Variants in ANKRD44 observed in about 807,000 individuals in gnomAD.
ANKRD44 encodes ankyrin repeat domain 44, also known as serine/threonine-protein phosphatase 6 regulatory ankyrin repeat subunit B.
A neutral mutation model predicts 116.0 loss-of-function variants in ANKRD44; 35 were observed. The observed-to-expected ratio is 0.30, with a 90% CI of 0.23 to 0.40. The LOEUF (loss-of-function observed/expected upper bound fraction) is 0.40, where lower values mean the gene tolerates loss of function less well. Ranked by LOEUF, ANKRD44 falls within the 10% of genes least tolerant of loss-of-function variation. The probability of loss-of-function intolerance (pLI) is 1.00; values close to 1 mark genes in which losing one functional copy is unlikely to be tolerated. For synonymous variants in ANKRD44, 435 were observed against 461.8 expected, an observed-to-expected ratio of 0.94 and a Z score of 0.74; for missense variants, 1,014 against 1,242.6, an observed-to-expected ratio of 0.82 and a Z score of 2.77.
intron 17 of ANKRD44, among the ~76,000 whole-genome samples, chr2:197,019,550 G>A (rs906264356): frequency 6.6e-6 from 1 of 152,196 alleles, no homozygotes. Flanking sequence ...TGGTTACACA[G>A]CCTAATGTGG....
At chr2:197,188,892 A>T (rs1420675656) in intron 1 of ANKRD44, among the ~76,000 whole-genome samples, 2 of 152,168 alleles carry the variant, frequency 1.3e-5, no homozygotes, top group Non-Finnish European at 2.9e-5. Context: ...TTTCCTAAGG[A>T]TATAATACAT....
At chr2:197,156,161 A>G (rs573607352) in intron 2 of ANKRD44, among the ~76,000 whole-genome samples, 1 of 152,202 alleles carries the variant, frequency 6.6e-6, no homozygotes, top group African/African-American at 2.4e-5. Context: ...CCTGGCTAAC[A>G]TGGTGAAACC....
At chr2:197,267,744 C>T (rs753863040) in intron 1 of ANKRD44, among the ~76,000 whole-genome samples, 33 of 152,258 alleles carry the variant, frequency 2.2e-4, no homozygotes, top group Non-Finnish European at 3.5e-4. Flanking sequence ...TAGGGTTGTC[C>T]AAGACAAAGC....
chr2:197,129,894 A>C (rs9678922), intron 4 of ANKRD44, among the ~76,000 whole-genome samples: 1 of 152,174 alleles, frequency 6.6e-6, no homozygotes, highest in African/African-American at 2.4e-5. Context: ...GCCATAAGCA[A>C]TGTCAAGTTT....
chr2:197,051,287 T>G (rs150633555), intron 16 of ANKRD44, among the ~76,000 whole-genome samples: 31 of 152,320 alleles, frequency 2.0e-4, no homozygotes, highest in Admixed American at 1.0e-3. Flanking sequence ...TTTAAGGTGC[T>G]GATGACTCAC....
intron 4 of ANKRD44, among the ~76,000 whole-genome samples, chr2:197,129,274 T>C (rs1202002664): frequency 1.3e-5 from 2 of 151,942 alleles, no homozygotes; most frequent in African/African-American, 2.4e-5. Flanking sequence ...GCTGGGATTA[T>C]AGGCATGCGC....
At chr2:197,033,666 CT>C (rs59226408) in intron 16 of ANKRD44, among the ~76,000 whole-genome samples, 11 of 144,124 alleles carry the variant, frequency 7.6e-5, no homozygotes, top group Admixed American at 1.4e-4. Context: ...GTTGTTGTTG[CT>C]TTTTTTTTTT....
At chr2:197,209,450 T>A (rs538199380) in intron 1 of ANKRD44, among the ~76,000 whole-genome samples, 1 of 152,258 alleles carries the variant, frequency 6.6e-6, no homozygotes, top group South Asian at 2.1e-4. Context: ...AAATATGTAG[T>A]CAGAGCTGCC....
chr2:197,151,260 T>C (rs531664902), intron 2 of ANKRD44, among the ~76,000 whole-genome samples: 3 of 151,918 alleles, frequency 2.0e-5, no homozygotes, highest in Non-Finnish European at 4.4e-5. Flanking sequence ...CCATTGAAAA[T>C]GAACTCACAA....
At chr2:197,113,806 T>C (rs1413883088) in intron 8 of ANKRD44, among the ~76,000 whole-genome samples, 4 of 152,206 alleles carry the variant, frequency 2.6e-5, no homozygotes, top group South Asian at 4.1e-4. Context: ...GTGGTGACAA[T>C]TGCTTTGCAT....
intron 2 of ANKRD44, among the ~76,000 whole-genome samples, chr2:197,173,096 A>C (rs1559123689): frequency 6.6e-6 from 1 of 152,250 alleles, no homozygotes; most frequent in Non-Finnish European, 1.5e-5. Context: ...CCTGTTTTGA[A>C]ATTGTTAAAT....
chr2:197,163,611 CTGG>C (rs201906715), intron 2 of ANKRD44, among the ~76,000 whole-genome samples: 424 of 152,308 alleles, frequency 2.8e-3, no homozygotes, highest in East Asian at 0.016. Flanking sequence ...AAGAAGTGGG[CTGG>C]TGATCTTTAA....
intron 2 of ANKRD44, among the ~76,000 whole-genome samples, chr2:197,156,174 G>A (rs888421277): frequency 3.3e-5 from 5 of 152,174 alleles, no homozygotes; most frequent in Admixed American, 2.0e-4. Context: ...GTGAAACCCC[G>A]TCTCTACCAA....
chr2:197,154,171 TTTC>T (rs1574563894), intron 2 of ANKRD44, among the ~76,000 whole-genome samples: 8 of 148,168 alleles, frequency 5.4e-5, no homozygotes, highest in African/African-American at 1.5e-4. Flanking sequence ...TGCTATCGGC[TTTC>T]TTTTTTTTTT....
chr2:197,155,662 A>G (rs188986497), intron 2 of ANKRD44, among the ~76,000 whole-genome samples: 1 of 152,226 alleles, frequency 6.6e-6, no homozygotes, highest in Non-Finnish European at 1.5e-5. Context: ...CTAAACAAAA[A>G]TTAAATCAAA....
rs191718518 is a variant in ANKRD44 at position 197,133,136 on chromosome 2, T to C, written c.261+3456A>G. On this transcript the variant is annotated intron_variant, in intron 4 of 27. Transcript: ENST00000282272. ...GACACTAATCGGCTGGATCACCACG[T>C]TGGCAAGGGGCAGTGCCTGGCTTGA... 3.5e-3 allele frequency among the ~76,000 whole-genome samples: 535 copies of C among 152,358 alleles called. 3 individuals are homozygous for C. The highest frequency in any genetic ancestry group is 0.012 in the African/African-American group (487 of 41,578).
At chr2:197,089,067 T>C (rs1038931196) in intron 11 of ANKRD44, among the ~76,000 whole-genome samples, 1 of 152,150 alleles carries the variant, frequency 6.6e-6, no homozygotes. Flanking sequence ...CAATTTGAGA[T>C]AAGTAGGGCA....
chr2:197,129,870 A>G (rs1202924418), intron 4 of ANKRD44, among the ~76,000 whole-genome samples: 1 of 152,226 alleles, frequency 6.6e-6, no homozygotes, highest in African/African-American at 2.4e-5. Context: ...TTATGACTAC[A>G]CATAGTCCCT....
At chr2:197,116,178 A>G (rs2078702533) in intron 8 of ANKRD44, among the ~76,000 whole-genome samples, 2 of 152,226 alleles carry the variant, frequency 1.3e-5, no homozygotes, top group East Asian at 3.8e-4. Flanking sequence ...AACTGGGAGC[A>G]GTAGGCCGGT....
Sources: gnomAD v4.1 joint callset for allele counts (sites outside exome capture counted in the v4.1 genomes callset) on GRCh38, gnomAD v4.1.1 for gene constraint, MANE v1.5 for transcripts, NCBI Gene and HGNC (gene_info 2026-07-23, HGNC 2026-07-21) for gene names.